NMNAT3: variants seen among roughly 807,000 people sequenced by gnomAD.
NMNAT3 encodes nicotinamide nucleotide adenylyltransferase 3.
NMNAT3 carries 21 observed loss-of-function variants against 24.8 expected under a neutral mutation model. That is an observed-to-expected ratio of 0.85 (90% CI 0.60 to 1.22). The LOEUF (loss-of-function observed/expected upper bound fraction) is 1.22, where lower values mean the gene tolerates loss of function less well. NMNAT3 is among the 50% of genes most tolerant of loss of function. The pLI is 0.00. For missense variants in NMNAT3, 387 were observed against 436.6 expected (o/e 0.89, Z 1.01); for synonymous variants, 136 against 155.2 (o/e 0.88, Z 0.92).
chr3:139,621,930 A>G (rs557318194), intron 3 of NMNAT3, among the ~76,000 whole-genome samples: 3 of 152,308 alleles, frequency 2.0e-5, no homozygotes, highest in Admixed American at 2.0e-4. Flanking sequence ...TTTTTGTGGC[A>G]GAATAGTATT....
intron 3 of NMNAT3, among the ~76,000 whole-genome samples, chr3:139,621,784 CT>C (rs1480978605): frequency 6.6e-6 from 1 of 152,192 alleles, no homozygotes; most frequent in Non-Finnish European, 1.5e-5. Context: ...TATCTTTCCA[CT>C]CTCCACCTCC....
chr3:139,591,152 C>T (rs1385981713), intron 3 of NMNAT3, among the ~76,000 whole-genome samples: 1 of 151,058 alleles, frequency 6.6e-6, no homozygotes, highest in Non-Finnish European at 1.5e-5. Context: ...CATTGCCTCA[C>T]CTGGGAAGCG....
intron 3 of NMNAT3, among the ~76,000 whole-genome samples, chr3:139,612,875 A>C (rs192773028): frequency 8.1e-4 from 123 of 152,280 alleles, no homozygotes; most frequent in African/African-American, 2.8e-3. Context: ...CAAAAACAAG[A>C]AATGGGGAAA....
intron 6 of NMNAT3, among the ~76,000 whole-genome samples, chr3:139,562,957 A>G (rs1447513107): frequency 6.6e-6 from 1 of 152,234 alleles, no homozygotes; most frequent in Admixed American, 6.5e-5. Flanking sequence ...CTAGAGCCAG[A>G]CACCTTACAC....
intron 3 of NMNAT3, among the ~76,000 whole-genome samples, chr3:139,605,902 T>C (rs2054920037): frequency 1.3e-5 from 1 of 77,282 alleles, no homozygotes; most frequent in African/African-American, 4.7e-5. Context: ...ACTATTATTT[T>C]GGCTTCATGT....
chr3:139,616,388 G>A (rs1175352727), intron 3 of NMNAT3, among the ~76,000 whole-genome samples: 1 of 152,130 alleles, frequency 6.6e-6, no homozygotes, highest in African/African-American at 2.4e-5. Flanking sequence ...GGCTGTCAAA[G>A]CCTGGGGCTC....
intron 3 of NMNAT3, among the ~76,000 whole-genome samples, chr3:139,601,640 G>A (rs1033754090): frequency 6.6e-6 from 1 of 152,182 alleles, no homozygotes; most frequent in Admixed American, 6.5e-5. Flanking sequence ...GCCAGAGAGT[G>A]TACCAGCAAT....
At chr3:139,652,737 A>T (rs932088472) in intron 1 of NMNAT3, among the ~76,000 whole-genome samples, 2 of 152,246 alleles carry the variant, frequency 1.3e-5, no homozygotes, top group African/African-American at 4.8e-5. Flanking sequence ...AAAAGCAAAC[A>T]GATGTCCTGC....
At chr3:139,606,649 T>C (rs2054959264) in intron 3 of NMNAT3, among the ~76,000 whole-genome samples, 2 of 152,234 alleles carry the variant, frequency 1.3e-5, no homozygotes, top group African/African-American at 4.8e-5. Context: ...GTAACAATTA[T>C]TACTGTTAAA....
chr3:139,675,491 A>G (rs2057900578), intron 1 of NMNAT3, among the ~76,000 whole-genome samples: 1 of 152,214 alleles, frequency 6.6e-6, no homozygotes, highest in African/African-American at 2.4e-5. Context: ...GCCTGAGTCT[A>G]CAAAGACACT....
rs186554408 is a variant in NMNAT3, at chr3:139,604,902, G to A, written c.110-21694C>T. On this transcript the variant is annotated intron_variant, in intron 3 of 6. Transcript: ENST00000643695. The stretch of plus-strand genomic sequence containing the variant: ...GAAAAACCAACAAGTGCAAAGCAGT[G>A]TGGTGCAGAATGTGGTGGCAGAGCA... Among the ~76,000 whole-genome samples, 18 of 152,324 alleles carry A rather than the reference G, an allele frequency of 1.2e-4. No homozygotes were observed. In the East Asian group the frequency reaches 3.5e-3, roughly 29 times the overall value.
chr3:139,619,509 G>C (rs1229254852), intron 3 of NMNAT3, among the ~76,000 whole-genome samples: 1 of 152,174 alleles, frequency 6.6e-6, no homozygotes, highest in African/African-American at 2.4e-5. Flanking sequence ...AGTACTCTCT[G>C]AAATCTCACT....
At chr3:139,628,732 A>G (rs1245975982) in intron 2 of NMNAT3, among the ~76,000 whole-genome samples, 9 of 151,930 alleles carry the variant, frequency 5.9e-5, no homozygotes, top group Admixed American at 5.9e-4. Flanking sequence ...CCCTAGTTCT[A>G]CCTCTCACTG....
chr3:139,611,026 T>C (rs1480520732), intron 3 of NMNAT3, among the ~76,000 whole-genome samples: 1 of 30,930 alleles, frequency 3.2e-5, no homozygotes, highest in African/African-American at 5.2e-5. Context: ...TGTCCAAAGT[T>C]GGTGAGGATG....
chr3:139,648,225 C>T (rs1306411500), intron 1 of NMNAT3, among the ~76,000 whole-genome samples: 1 of 152,282 alleles, frequency 6.6e-6, no homozygotes, highest in Non-Finnish European at 1.5e-5. Flanking sequence ...TCTCTCTCAC[C>T]TGCTGCCATG....
At chr3:139,601,772 C>G (rs936833497) in intron 3 of NMNAT3, among the ~76,000 whole-genome samples, 1 of 152,124 alleles carries the variant, frequency 6.6e-6, no homozygotes, top group Non-Finnish European at 1.5e-5. Flanking sequence ...GGCAGAAACA[C>G]ATGAGGGAAG....
At chr3:139,592,336 C>T (rs1441927555) in intron 3 of NMNAT3, among the ~76,000 whole-genome samples, 18 of 152,156 alleles carry the variant, frequency 1.2e-4, no homozygotes, top group African/African-American at 3.4e-4. Context: ...ACCAAATCTA[C>T]GTCTGATTGG....
intron 4 of NMNAT3, among the ~76,000 whole-genome samples, chr3:139,579,805 C>T (rs547917636): frequency 6.6e-6 from 1 of 152,262 alleles, no homozygotes; most frequent in East Asian, 1.9e-4. Context: ...CCCTGTTATT[C>T]CTAGTTTAAG....
chr3:139,605,089 T>C (rs2054884108), intron 3 of NMNAT3, among the ~76,000 whole-genome samples: 1 of 152,128 alleles, frequency 6.6e-6, no homozygotes, highest in South Asian at 2.1e-4. Context: ...AGAAAAAATA[T>C]CTCAGGTTCG....
Sources: allele counts gnomAD v4.1 joint callset (sites outside exome capture counted in the v4.1 genomes callset), GRCh38; gene constraint gnomAD v4.1.1; transcripts MANE v1.5; gene names NCBI Gene and HGNC (gene_info 2026-07-23, HGNC 2026-07-21).